Variants in PLXNB1 observed in about 807,000 individuals in gnomAD.
PLXNB1 encodes plexin-B1.
Under a neutral mutation model 209.4 loss-of-function variants are expected in PLXNB1, and 106 were observed. The observed-to-expected ratio is 0.51, with a 90% confidence interval of 0.43 to 0.59. The LOEUF (loss-of-function observed/expected upper bound fraction) is 0.59. Ranked by LOEUF, PLXNB1 falls within the 20% of genes least tolerant of loss-of-function variation. The pLI, the probability that PLXNB1 is intolerant of heterozygous loss-of-function variation, is 0.00. For missense variants in PLXNB1, 2,357 were observed against 2,853.2 expected, an observed-to-expected ratio of 0.83 and a Z score of 3.96; for synonymous variants, 1,167 against 1,183.2, an observed-to-expected ratio of 0.99 and a Z score of 0.28.
intron 1 of PLXNB1, among the ~76,000 whole-genome samples, chr3:48,427,645 A>G (rs1161388866): frequency 6.6e-6 from 1 of 152,072 alleles, no homozygotes; most frequent in African/African-American, 2.4e-5. Context: ...GCTCCCCCAC[A>G]CATGCCCTTC....
rs557004276 is a variant in PLXNB1, at chr3:48,413,547, G to A, written c.4535+123C>T. 2.4e-5 allele frequency: 27 copies of A among 1,124,282 alleles called. No individual in the cohort carries two copies. Among genetic ancestry groups the A allele is most frequent in the Admixed American group, 8.8e-5 (3 of 34,022 alleles). 69.6% of individuals were successfully genotyped at this position (1,124,282 alleles called of 1,614,324 possible). A position where few individuals can be genotyped will look rare whatever the true frequency, so the allele number is the denominator to read the frequency against. The stretch of plus-strand genomic sequence containing the variant: ...ACAGAGACCACTTGGCCTGCAAAGC[G>A]AAAATATTTACTCTCTGGCCATTTA... On this transcript the variant is annotated intron_variant, in intron 23 of 37. Transcript: ENST00000296440. The surrounding 1 kb of genome is among the most constrained non-coding windows in gnomAD (Gnocchi z 5.4).
rs545678060 is a variant in PLXNB1, at chr3:48,405,606, C to A, written c.6303+118G>T. 3.1e-5 allele frequency: 24 copies of A among 771,232 alleles called. No individual in the cohort carries two copies. The highest frequency in any genetic ancestry group is 7.0e-5 in the African/African-American group (4 of 57,402). 47.8% of individuals were successfully genotyped at this position (771,232 alleles called of 1,614,324 possible). A position where few individuals can be genotyped will look rare whatever the true frequency, so the allele number is the denominator to read the frequency against. On this transcript the variant is annotated intron_variant, in intron 37 of 37. Transcript: ENST00000296440. The surrounding 1 kb of genome is among the most constrained non-coding windows in gnomAD (Gnocchi z 5.0). ...CAAGCCACCAAGGGGCCCGGCCCCCCACTACTCTGTCCCTGGGGAAGACCA... is the reference window on the plus strand; with the variant it reads ...CAAGCCACCAAGGGGCCCGGCCCCCAACTACTCTGTCCCTGGGGAAGACCA...
chr3:48,413,867 C>G lies in PLXNB1; in HGVS notation c.4386+28G>C. 5 of 1,606,676 alleles carry G rather than the reference C, an allele frequency of 3.1e-6. No homozygotes were observed. Among genetic ancestry groups the G allele is most frequent in the Non-Finnish European group, 4.3e-6 (5 of 1,174,752 alleles). On this transcript the variant is annotated intron_variant, in intron 22 of 37. Coordinates refer to ENST00000296440, the MANE Select transcript of PLXNB1 (RefSeq NM_001130082.3). The surrounding 1 kb of genome is among the most constrained non-coding windows in gnomAD (Gnocchi z 5.4). ...CAAGGGTTTGGCCCAGGTCAATGCCCAGCCCGGCCAGGGACCTGCCCACTG... is the reference window on the plus strand; with the variant it reads ...CAAGGGTTTGGCCCAGGTCAATGCCGAGCCCGGCCAGGGACCTGCCCACTG...
intron 1 of PLXNB1, among the ~76,000 whole-genome samples, chr3:48,425,538 G>T (rs1412517337): frequency 6.6e-6 from 1 of 151,986 alleles, no homozygotes; most frequent in African/African-American, 2.4e-5. Context: ...GAGGGGGAGG[G>T]CAGCAGAGCC....
chr3:48,422,498 T>C (rs750360413), intron 4 of PLXNB1, 39 bp from the exon 5 acceptor site: 9 of 1,535,004 alleles, frequency 5.9e-6, no homozygotes, highest in Non-Finnish European at 7.0e-6. Context: ...CCCAAGTCCA[T>C]GGCCAGAGGC....
chr3:48,414,442 G>A (rs2037930485), intron 21 of PLXNB1, among the ~76,000 whole-genome samples: 2 of 152,154 alleles, frequency 1.3e-5, no homozygotes, highest in African/African-American at 2.4e-5. Flanking sequence ...GTATGTCCAA[G>A]ACACATGCCT....
rs146847340 is a variant in PLXNB1 at position 48,423,957 on chromosome 3, C to G, written c.655G>C (p.Val219Leu). 6.2e-7 allele frequency: 1 copy of G among 1,614,044 alleles called. No individual in the cohort carries two copies. The highest frequency in any genetic ancestry group is 2.2e-5 in the East Asian group (1 of 44,882). The stretch of plus-strand genomic sequence containing the variant: ...CTGGCCCCACGTGCAAAGGCACTCA[C>G]GAAGTGGTGGCTGTACTCGGAGAGG... ...GRLSEYSHHF[V>L]SAFARGASAY... Residue 219 changes from valine (V) to leucine (L), a missense_variant, in exon 3 of 38, where the codon GTG becomes CTG. By Grantham distance (32) the Val-to-Leu change is conservative. Coordinates refer to ENST00000296440, the MANE Select transcript of PLXNB1 (RefSeq NM_001130082.3).
Position 48,406,884 on chromosome 3 carries a change from A to C in PLXNB1, c.6167T>G (p.Ile2056Ser). 6.2e-7 allele frequency: 1 copy of C among 1,613,260 alleles called. No homozygotes were observed. Among genetic ancestry groups the C allele is most frequent in the African/African-American group, 1.3e-5 (1 of 74,992 alleles). ...GTCGCTGGCTGGGACAGTCTGTCTGATGTCTGCATAGTACCTGCCAGAGAG... is the reference window on the plus strand; with the variant it reads ...GTCGCTGGCTGGGACAGTCTGTCTGCTGTCTGCATAGTACCTGCCAGAGAG... ...KRMVERYYAD[I>S]RQTVPASDQE... Residue 2056 changes from isoleucine (I) to serine (S), a missense_variant, in exon 36 of 38, where the codon ATC becomes AGC. Ile to Ser is a moderately radical substitution (Grantham distance 142, BLOSUM62 -2). Around this residue, in one of 7 missense-constraint regions of PLXNB1, gnomAD observed 414 missense variants for 520.5 expected, o/e 0.80. Transcript: ENST00000296440. This position sits in a 1 kb window ranked among gnomAD's most constrained non-coding sequence, Gnocchi z 4.4.
Position 48,406,650 on chromosome 3 carries a change from C to G in PLXNB1, c.6228+173G>C. 3 of 1,423,264 alleles carry G rather than the reference C, an allele frequency of 2.1e-6. No individual in the cohort carries two copies. Among genetic ancestry groups the G allele is most frequent in the South Asian group, 1.5e-5 (1 of 66,040 alleles). The allele number at this position is 1,423,264 out of a possible 1,614,324, so 88.2% of individuals were successfully genotyped here. On this transcript the variant is annotated intron_variant, in intron 36 of 37. Coordinates refer to ENST00000296440, the MANE Select transcript of PLXNB1 (RefSeq NM_001130082.3). The surrounding 1 kb of genome is among the most constrained non-coding windows in gnomAD (Gnocchi z 4.4). ...TTGCTCTGTGATGAGATGGTGGGAG[C>G]CCTGGTCTTTCAGTGGCAGTTGGAA...
At chr3:48,423,115 C>T (rs555597226) in intron 3 of PLXNB1, among the ~76,000 whole-genome samples, 168 bp from the exon 4 acceptor site, 8 of 152,144 alleles carry the variant, frequency 5.3e-5, no homozygotes, top group Non-Finnish European at 1.2e-4. Context: ...CCCCCAGTCT[C>T]TCTTCCCTTT....
In PLXNB1 at chr3:48,420,972, G is replaced by A. The variant is rs372932318; in HGVS notation, c.1811-16C>T. ...GATACGTAGTCTGCAGAGGGGGAGA[G>A]AGGGCCAGGGTTAAGCAGCAAGGAG... On this transcript the variant is annotated splice_polypyrimidine_tract_variant and intron_variant, in intron 8 of 37. Transcript: ENST00000296440. The A allele has an allele frequency of 5.6e-6, 9 of 1,600,490 alleles. No individual in the cohort carries two copies. The African/African-American group carries it at 1.1e-4, about 19-fold the overall frequency.
At position 48,422,466 on chromosome 3, in the gene PLXNB1, T is replaced by G; in HGVS notation, c.1291-7A>C. 6.3e-7 allele frequency: 1 copy of G among 1,576,900 alleles called. No individual in the cohort carries two copies. The highest frequency in any genetic ancestry group is 8.6e-7 in the Non-Finnish European group (1 of 1,162,990). Reference sequence around the variant, plus strand: ...TCCCTGGGCCCAAGTAGACCTGGGATCAGAGACCACAGGGTCTGGGACCCA... The same window carrying G: ...TCCCTGGGCCCAAGTAGACCTGGGAGCAGAGACCACAGGGTCTGGGACCCA... On this transcript the variant is annotated splice_region_variant and splice_polypyrimidine_tract_variant and intron_variant, in intron 4 of 37. Transcript: ENST00000296440.
In PLXNB1 at chr3:48,422,364, G is replaced by T; in HGVS notation, c.1386C>A (p.Thr462=). Residue 462 remains threonine, a synonymous_variant, in exon 5 of 38, where the codon ACC becomes ACA. Coordinates refer to ENST00000296440, the MANE Select transcript of PLXNB1 (RefSeq NM_001130082.3). ...AVSRDLTFDG[T]FEHLYVMTQS... ...GGGTCATGACATACAGGTGCTCAAA[G>T]GTCCCATCAAAGGTGAGGTCTCTGC... is the stretch of plus-strand genomic sequence containing the variant. 6.2e-7 allele frequency: 1 copy of T among 1,610,096 alleles called. No individual in the cohort carries two copies. Among genetic ancestry groups the T allele is most frequent in the Non-Finnish European group, 8.5e-7 (1 of 1,178,052 alleles).
intron 1 of PLXNB1, among the ~76,000 whole-genome samples, chr3:48,428,450 A>G (rs1028596274): frequency 1.3e-5 from 2 of 152,102 alleles, no homozygotes; most frequent in Non-Finnish European, 2.9e-5. Flanking sequence ...AGGGGGCGCA[A>G]GACTGCCCAA....
Position 48,406,405 on chromosome 3 carries a change from C to T in PLXNB1, c.6228+418G>A, listed in dbSNP as rs1485099777. 6.6e-6 allele frequency among the ~76,000 whole-genome samples: 1 copy of T among 152,222 alleles called. No homozygotes were observed. The highest frequency in any genetic ancestry group is 6.5e-5 in the Admixed American group (1 of 15,290). On this transcript the variant is annotated intron_variant, in intron 36 of 37. Transcript: ENST00000296440. The surrounding 1 kb of genome is among the most constrained non-coding windows in gnomAD (Gnocchi z 4.4). Reference sequence around the variant, plus strand: ...CTATTAGTGTTGTGGTTGTCATCATCAACATTTCAGAAACATTGTTCATAA... The same window carrying T: ...CTATTAGTGTTGTGGTTGTCATCATTAACATTTCAGAAACATTGTTCATAA...
rs906424839 is a variant in PLXNB1, at chr3:48,409,600, C to T, written c.5910G>A (p.Gln1970=). 1 of 1,613,908 alleles carries T rather than the reference C, an allele frequency of 6.2e-7. No individual in the cohort carries two copies. The highest frequency in any genetic ancestry group is 8.5e-7 in the Non-Finnish European group (1 of 1,179,970). The change falls in exon 33 of 38, where the codon CAG becomes CAA. Residue 1970 remains glutamine, a synonymous_variant. Transcript: ENST00000296440. This position sits in a 1 kb window ranked among gnomAD's most constrained non-coding sequence, Gnocchi z 5.8. ...TGGTCTTCCAGATGTGGATGGTGTC[C>T]TGGTCGGAGATGCCATGCTGCTGGG... ...EQAQQHGISD[Q]DTIHIWKTNS...
Position 48,418,618 on chromosome 3 carries a change from G to T in PLXNB1, c.2956-76C>A. Reference sequence around the variant, plus strand: ...CCTGGGGAGGGGTTAGTCAGAGAAAGGACTAAAACGACCAGTTAGGAGCAT... The same window carrying T: ...CCTGGGGAGGGGTTAGTCAGAGAAATGACTAAAACGACCAGTTAGGAGCAT... On this transcript the variant is annotated intron_variant, in intron 13 of 37. Transcript: ENST00000296440. The surrounding 1 kb of genome is among the most constrained non-coding windows in gnomAD (Gnocchi z 6.6). 7.9e-7 allele frequency: 1 copy of T among 1,271,532 alleles called. No individual in the cohort carries two copies. The highest frequency in any genetic ancestry group is 1.3e-5 in the South Asian group (1 of 78,038). 78.8% of individuals were successfully genotyped at this position (1,271,532 alleles called of 1,614,324 possible).
rs536698848 is a variant in PLXNB1, at chr3:48,405,142, G to A, written c.6304-552C>T. ...CGTGCCATGGCCCACACCATGCCGAGGAAGGCTGTGGGCCATGAGACAGGT... is the reference window on the plus strand; with the variant it reads ...CGTGCCATGGCCCACACCATGCCGAAGAAGGCTGTGGGCCATGAGACAGGT... On this transcript the variant is annotated intron_variant, in intron 37 of 37. Coordinates refer to ENST00000296440, the MANE Select transcript of PLXNB1 (RefSeq NM_001130082.3). The surrounding 1 kb of genome is among the most constrained non-coding windows in gnomAD (Gnocchi z 5.0). Among the ~76,000 whole-genome samples, 2 of 152,344 alleles carry A rather than the reference G, an allele frequency of 1.3e-5. No homozygotes were observed. The highest frequency in any genetic ancestry group is 6.5e-5 in the Admixed American group (1 of 15,310).
At position 48,413,107 on chromosome 3, in the gene PLXNB1, T is replaced by C. The variant is rs1377039224; in HGVS notation, c.4598A>G (p.Glu1533Gly). 1 of 1,613,926 alleles carries C rather than the reference T, an allele frequency of 6.2e-7. No homozygotes were observed. The highest frequency in any genetic ancestry group is 2.2e-5 in the East Asian group (1 of 44,878). ...KKVQIQLENLESSVRDRCKKE... is the reference protein window; with the variant it reads ...KKVQIQLENLGSSVRDRCKKE... The stretch of plus-strand genomic sequence containing the variant: ...CTTGCAGCGGTCCCGCACACTGCTC[T>C]CCAGATTCTCCAGCTGGATCTGAAC... Residue 1533 changes from glutamate to glycine, a missense_variant, in exon 24 of 38, where the codon GAG becomes GGG. Coordinates refer to ENST00000296440, the MANE Select transcript of PLXNB1 (RefSeq NM_001130082.3). This position sits in a 1 kb window ranked among gnomAD's most constrained non-coding sequence, Gnocchi z 5.4.
Sources: gnomAD v4.1 joint callset for allele counts (sites outside exome capture counted in the v4.1 genomes callset) on GRCh38, gnomAD v4.1.1 for gene constraint, gnomAD v4.1.1 regional missense constraint, Gnocchi (gnomAD v3.1) non-coding constraint, MANE v1.5 for transcripts, NCBI Gene and HGNC (gene_info 2026-07-23, HGNC 2026-07-21) for gene names.